The following CEP128 variants were observed in gnomAD, a reference collection of about 807,000 sequenced individuals.
CEP128 encodes centrosomal protein 128kDa.
A neutral mutation model predicts 156.7 loss-of-function variants in CEP128; 132 were observed. The observed-to-expected ratio is 0.84, with a 90% CI of 0.73 to 0.97. CEP128 has a LOEUF of 0.97. CEP128 is among the 50% of genes least tolerant of loss of function. The pLI, the probability that CEP128 is intolerant of heterozygous loss-of-function variation, is 0.00. For synonymous variants in CEP128, 469 were observed against 448.9 expected (o/e 1.04, Z -0.57); for missense variants, 1,252 against 1,281.9 (o/e 0.98, Z 0.36).
intron 14 of CEP128, among the ~76,000 whole-genome samples, chr14:80,481,978 G>T (rs900844904): frequency 1.3e-5 from 2 of 152,202 alleles, no homozygotes; most frequent in Non-Finnish European, 2.9e-5. Context: ...TTTAAAACCT[G>T]ACCAAAATTC....
chr14:80,589,649 C>T (rs895467208), intron 19 of CEP128, among the ~76,000 whole-genome samples: 4 of 152,092 alleles, frequency 2.6e-5, no homozygotes, highest in East Asian at 1.9e-4. Context: ...ATCCCCACTT[C>T]GCACCTATGC....
At chr14:80,800,977 T>G (rs1373365801) in intron 13 of CEP128, among the ~76,000 whole-genome samples, 1 of 152,196 alleles carries the variant, frequency 6.6e-6, no homozygotes, top group African/African-American at 2.4e-5. Flanking sequence ...AGAGAAAAGA[T>G]TGGGTCACTT....
intron 8 of CEP128, among the ~76,000 whole-genome samples, chr14:80,882,513 G>T (rs80278306): frequency 0.048 from 7,375 of 152,092 alleles, 199 homozygotes; most frequent in Middle Eastern, 0.068. Context: ...TGGTATGAAG[G>T]GTCCTCAAAA....
At chr14:80,711,073 T>C (rs1161327076) in intron 19 of CEP128, among the ~76,000 whole-genome samples, 2 of 152,262 alleles carry the variant, frequency 1.3e-5, no homozygotes, top group East Asian at 1.9e-4. Context: ...TGAGAAGCTA[T>C]CTAATTTTGT....
intron 19 of CEP128, among the ~76,000 whole-genome samples, chr14:80,715,489 T>C (rs1391441809): frequency 6.6e-6 from 1 of 152,148 alleles, no homozygotes; most frequent in Non-Finnish European, 1.5e-5. Context: ...TTTCAAACAC[T>C]ACTAAATGTA....
At chr14:80,832,077 T>A (rs2140047876) in intron 12 of CEP128, among the ~76,000 whole-genome samples, 1 of 152,318 alleles carries the variant, frequency 6.6e-6, no homozygotes, top group East Asian at 1.9e-4. Flanking sequence ...CTGATGGTTT[T>A]ATAAAGGAGA....
At chr14:80,794,750 C>T (rs993794274) in intron 13 of CEP128, among the ~76,000 whole-genome samples, 1 of 151,790 alleles carries the variant, frequency 6.6e-6, no homozygotes, top group Non-Finnish European at 1.5e-5. Flanking sequence ...TCTCACTAAC[C>T]ACTAAATTAT....
At position 80,845,922 on chromosome 14, in the gene CEP128, A is replaced by G. The variant is rs576463020; in HGVS notation, c.763-5154T>C. 1.1e-3 allele frequency among the ~76,000 whole-genome samples: 172 copies of G among 152,308 alleles called. 2 individuals carry two copies. Among genetic ancestry groups the G allele is most frequent in the African/African-American group, 4.1e-3 (170 of 41,584 alleles). The stretch of plus-strand genomic sequence containing the variant: ...ATAGAAACATTCCACTCTTCAAGAA[A>G]AGCGTAACATAGAAATTGAACAAAT... On this transcript the variant is annotated intron_variant, in intron 9 of 24. Transcript: ENST00000555265.
At chr14:80,757,441 G>A (rs1899723762) in intron 17 of CEP128, among the ~76,000 whole-genome samples, 1 of 152,084 alleles carries the variant, frequency 6.6e-6, no homozygotes, top group Non-Finnish European at 1.5e-5. Flanking sequence ...CAAACTCATC[G>A]ACATGACTTC....
intron 14 of CEP128, among the ~76,000 whole-genome samples, chr14:80,485,384 C>CA (rs1423620611): frequency 6.6e-6 from 1 of 151,968 alleles, no homozygotes. Context: ...TCTTCCTTTC[C>CA]AAAAGTCCAA....
chr14:80,876,130 A>C (rs1355006848), intron 8 of CEP128, among the ~76,000 whole-genome samples: 1 of 152,148 alleles, frequency 6.6e-6, no homozygotes, highest in South Asian at 2.1e-4. Flanking sequence ...GAGACAAAGA[A>C]TAAAAGTAAT....
intron 4 of CEP128, among the ~76,000 whole-genome samples, chr14:80,913,815 G>A (rs1368962134): frequency 6.6e-6 from 1 of 152,088 alleles, no homozygotes; most frequent in East Asian, 1.9e-4. Flanking sequence ...TATCTATTGG[G>A]TACATTGTAC....
intron 19 of CEP128, among the ~76,000 whole-genome samples, chr14:80,673,487 CA>C (rs11296356): frequency 0.85 from 113,636 of 133,160 alleles, 48,731 homozygotes; most frequent in East Asian, 0.97. Context: ...ACTAAAAATA[CA>C]AAAAAAAATT....
intron 22 of CEP128, among the ~76,000 whole-genome samples, chr14:80,528,813 C>G (rs1236221229): frequency 6.6e-6 from 1 of 152,130 alleles, no homozygotes; most frequent in African/African-American, 2.4e-5. Context: ...TGACTTTGGA[C>G]CAGAACTTAG....
intron 2 of CEP128, among the ~76,000 whole-genome samples, chr14:80,932,799 C>T (rs1030593508): frequency 1.3e-5 from 2 of 152,098 alleles, no homozygotes; most frequent in African/African-American, 4.8e-5. Flanking sequence ...CTTCTCTCTG[C>T]CTCCCAGTCT....
chr14:80,855,267 C>T (rs1030862602), intron 9 of CEP128, among the ~76,000 whole-genome samples: 1 of 152,128 alleles, frequency 6.6e-6, no homozygotes, highest in African/African-American at 2.4e-5. Flanking sequence ...GGGGCTCACA[C>T]AGTCCTGTCC....
intron 19 of CEP128, among the ~76,000 whole-genome samples, chr14:80,612,004 GC>G (rs1893011848): frequency 6.6e-6 from 1 of 152,180 alleles, no homozygotes; most frequent in South Asian, 2.1e-4. Flanking sequence ...GTTGCAGTGA[GC>G]AGAGATCACG....
intron 18 of CEP128, among the ~76,000 whole-genome samples, chr14:80,751,776 C>T (rs935424409): frequency 6.6e-6 from 1 of 151,896 alleles, no homozygotes; most frequent in African/African-American, 2.4e-5. Context: ...ATTACAGGCT[C>T]CCGCTACCAC....
chr14:80,771,434 A>G (rs966527744), intron 16 of CEP128, among the ~76,000 whole-genome samples: 32 of 152,200 alleles, frequency 2.1e-4, no homozygotes, highest in African/African-American at 7.5e-4. Context: ...ACACTTGCAA[A>G]TGTGAATTAT....
Sources: allele counts gnomAD v4.1 joint callset (sites outside exome capture counted in the v4.1 genomes callset), GRCh38; gene constraint gnomAD v4.1.1; transcripts MANE v1.5; gene names NCBI Gene and HGNC (gene_info 2026-07-23, HGNC 2026-07-21).